The following PCDHA3 variants were observed in gnomAD, a reference collection of about 807,000 sequenced individuals.
PCDHA3 encodes protocadherin alpha-3.
Under a neutral mutation model 62.2 loss-of-function variants are expected in PCDHA3, and 41 were observed. That is an observed-to-expected ratio of 0.66 (90% CI 0.51 to 0.86). PCDHA3 has a LOEUF of 0.86. Ranked by LOEUF, PCDHA3 falls within the 40% of genes least tolerant of loss-of-function variation. The probability of loss-of-function intolerance (pLI) is 0.00; values close to 1 mark genes in which losing one functional copy is unlikely to be tolerated. For synonymous variants in PCDHA3, 640 were observed against 555.4 expected (o/e 1.15, Z -2.14); for missense variants, 1,304 against 1,241.2 (o/e 1.05, Z -0.76).
At chr5:140,825,350 T>TATATATTAGATATATCAATATCTAAA (rs1768518151) in intron 1 of PCDHA3, 1 of 147,632 alleles carries the variant, frequency 6.8e-6, no homozygotes, top group Non-Finnish European at 1.5e-5. Context: ...ATATATCTAA[T>TATATATTAGATATATCAATATCTAAA]ATATATTAGA....
chr5:140,920,400 T>C (rs1185930806), intron 1 of PCDHA3, among the ~76,000 whole-genome samples: 1 of 152,244 alleles, frequency 6.6e-6, no homozygotes, highest in Non-Finnish European at 1.5e-5. Context: ...TGGTGTCTTT[T>C]TTTAATCAGA....
At chr5:140,852,612 C>A (rs1177069451) in intron 1 of PCDHA3, 1 of 914,612 alleles carries the variant, frequency 1.1e-6, no homozygotes, top group Non-Finnish European at 1.3e-6. Flanking sequence ...TCTTTCAAAA[C>A]TTGAGTGGTC....
intron 1 of PCDHA3, chr5:140,831,368 G>GTA (rs1424031923): frequency 4.0e-5 from 6 of 151,578 alleles, no homozygotes; most frequent in Admixed American, 4.0e-4. Flanking sequence ...TTGTATGTGT[G>GTA]TGTGTGTGTG....
chr5:140,807,608 T>C (rs782498556), intron 1 of PCDHA3: 17 of 1,614,102 alleles, frequency 1.1e-5, no homozygotes, highest in Non-Finnish European at 1.4e-5. Flanking sequence ...AAAGAACCTG[T>C]CCATCGCGGA....
Position 140,851,168 on chromosome 5 carries a change from A to G in PCDHA3, c.2394+47577A>G, listed in dbSNP as rs899165006. 39 of 1,280,680 alleles carry G rather than the reference A, an allele frequency of 3.0e-5. 2 individuals are homozygous for G. Among genetic ancestry groups the G allele is most frequent in the Admixed American group, 1.3e-4 (4 of 31,186 alleles). The allele number at this position is 1,280,680 out of a possible 1,614,324, so 79.3% of individuals were successfully genotyped here. On this transcript the variant is annotated intron_variant, in intron 1 of 3. Transcript: ENST00000522353. ...ATTGAATTTCTGATGCTATGCTGCC[A>G]TAACACTTGAAAACCAATTTAGTTG...
intron 1 of PCDHA3, among the ~76,000 whole-genome samples, chr5:140,939,296 C>T (rs2153640792): frequency 6.6e-6 from 1 of 152,210 alleles, no homozygotes; most frequent in South Asian, 2.1e-4. Flanking sequence ...CTAATCATCT[C>T]TACAAAAGCC....
intron 3 of PCDHA3, among the ~76,000 whole-genome samples, chr5:140,996,923 A>G (rs1385919756): frequency 6.6e-6 from 1 of 152,230 alleles, no homozygotes; most frequent in Non-Finnish European, 1.5e-5. Flanking sequence ...ATATTAAAAA[A>G]TATAGCATTT....
chr5:140,957,328 G>A (rs1312649094), intron 1 of PCDHA3, among the ~76,000 whole-genome samples: 1 of 152,134 alleles, frequency 6.6e-6, no homozygotes, highest in Admixed American at 6.5e-5. Context: ...GCACAGTACA[G>A]TAAGATATTT....
chr5:140,846,015 G>C (rs567874372), intron 1 of PCDHA3, among the ~76,000 whole-genome samples: 1 of 149,618 alleles, frequency 6.7e-6, no homozygotes, highest in South Asian at 2.1e-4. Flanking sequence ...AAATCTAAAA[G>C]TTATTACGAG....
intron 3 of PCDHA3, among the ~76,000 whole-genome samples, chr5:141,000,396 T>TCTATAA (rs2097916207): frequency 7.7e-5 from 5 of 65,332 alleles, no homozygotes; most frequent in African/African-American, 3.1e-4. Context: ...TCTCTCTCTC[T>TCTATAA]ATATATATAT....
chr5:140,822,200 T>G, intron 1 of PCDHA3: 1 of 1,614,242 alleles, frequency 6.2e-7, no homozygotes, highest in Non-Finnish European at 8.5e-7. Flanking sequence ...TTATTCATTT[T>G]AGAGTCAAGA....
intron 3 of PCDHA3, among the ~76,000 whole-genome samples, chr5:141,006,870 G>A (rs782345830): frequency 1.1e-4 from 16 of 152,174 alleles, no homozygotes; most frequent in Non-Finnish European, 1.5e-4. Flanking sequence ...GAATAGATTC[G>A]AGGAATCAAG....
intron 1 of PCDHA3, among the ~76,000 whole-genome samples, chr5:140,953,196 TA>T (rs1166571162): frequency 6.6e-6 from 1 of 152,156 alleles, no homozygotes; most frequent in Non-Finnish European, 1.5e-5. Context: ...TTGATTAGAC[TA>T]AAAATGCAAA....
chr5:140,956,706 G>A (rs1166051458), intron 1 of PCDHA3, among the ~76,000 whole-genome samples: 2 of 152,172 alleles, frequency 1.3e-5, no homozygotes, highest in African/African-American at 4.8e-5. Flanking sequence ...GTTTGGAATA[G>A]CTTCAGAAGA....
intron 2 of PCDHA3, among the ~76,000 whole-genome samples, chr5:140,981,175 T>C (rs1350828084): frequency 6.6e-6 from 1 of 152,238 alleles, no homozygotes; most frequent in African/African-American, 2.4e-5. Context: ...TTCCCTCTAA[T>C]AGTTCAAGTT....
intron 1 of PCDHA3, among the ~76,000 whole-genome samples, chr5:140,921,243 G>A (rs2080116903): frequency 6.6e-6 from 1 of 151,726 alleles, no homozygotes; most frequent in Non-Finnish European, 1.5e-5. Flanking sequence ...TTAAGCCACA[G>A]ATCAAAAAGT....
intron 1 of PCDHA3, chr5:140,860,608 A>G (rs1266938252): frequency 6.6e-6 from 1 of 152,266 alleles, no homozygotes; most frequent in African/African-American, 2.4e-5. Flanking sequence ...GCTCACAAAG[A>G]GAAACATAAA....
intron 1 of PCDHA3, chr5:140,876,774 G>C: frequency 3.7e-6 from 6 of 1,614,228 alleles, no homozygotes; most frequent in Non-Finnish European, 5.1e-6. Flanking sequence ...GCTCGCCTTC[G>C]CTGTGGGCCA....
At chr5:140,805,613 G>GT (rs1441449794) in intron 1 of PCDHA3, 2 of 911,990 alleles carry the variant, frequency 2.2e-6, no homozygotes, top group Non-Finnish European at 2.6e-6. Context: ...ATTTCTTTAT[G>GT]TAAGAAAATG....
Sources: gnomAD v4.1 joint callset for allele counts (sites outside exome capture counted in the v4.1 genomes callset) on GRCh38, gnomAD v4.1.1 for gene constraint, MANE v1.5 for transcripts, NCBI Gene and HGNC (gene_info 2026-07-23, HGNC 2026-07-21) for gene names.